PPP1R1C: variants seen among roughly 807,000 people sequenced by gnomAD.
PPP1R1C encodes the protein protein phosphatase 1 regulatory subunit 1C.
PPP1R1C carries 15 observed loss-of-function variants against 17.4 expected under a neutral mutation model. The ratio of observed to expected loss-of-function variants is 0.86; its 90% CI spans 0.58 to 1.33. The LOEUF is 1.33. Ranked by LOEUF, PPP1R1C falls within the 40% of genes most tolerant of loss-of-function variation. The pLI is 0.00. For missense variants in PPP1R1C, 143 were observed against 130.0 expected, an observed-to-expected ratio of 1.10 and a Z score of -0.48; for synonymous variants, 35 against 43.1, an observed-to-expected ratio of 0.81 and a Z score of 0.73.
At chr2:182,103,092 C>T (rs896690469) in intron 4 of PPP1R1C, among the ~76,000 whole-genome samples, 3 of 152,130 alleles carry the variant, frequency 2.0e-5, no homozygotes, top group Non-Finnish European at 4.4e-5. Flanking sequence ...GTGTGAGCCC[C>T]GCTTCCGGCC....
At chr2:182,064,780 G>A (rs10497593) in intron 4 of PPP1R1C, among the ~76,000 whole-genome samples, 5,930 of 141,970 alleles carry the variant, frequency 0.042, 396 homozygotes, top group African/African-American at 0.15. Flanking sequence ...TAATTATTGA[G>A]ACTACTAGGC....
At chr2:182,016,274 G>C (rs892809087) in intron 2 of PPP1R1C, among the ~76,000 whole-genome samples, 3 of 152,182 alleles carry the variant, frequency 2.0e-5, no homozygotes, top group African/African-American at 7.2e-5. Flanking sequence ...CAGCAATTCA[G>C]GACTGTCTTT....
chr2:182,049,700 A>G (rs962772661), intron 2 of PPP1R1C, among the ~76,000 whole-genome samples: 2 of 152,164 alleles, frequency 1.3e-5, no homozygotes, highest in African/African-American at 4.8e-5. Flanking sequence ...TTGTGCTAGG[A>G]AAGTCCCAAT....
intron 2 of PPP1R1C, among the ~76,000 whole-genome samples, chr2:182,004,902 C>A (rs1460813055): frequency 6.6e-6 from 1 of 152,050 alleles, no homozygotes; most frequent in Non-Finnish European, 1.5e-5. Context: ...GATGCTGGGG[C>A]CTTTTCTAAC....
chr2:182,044,625 C>T (rs950442809), intron 2 of PPP1R1C, among the ~76,000 whole-genome samples: 19 of 152,146 alleles, frequency 1.2e-4, no homozygotes, highest in Non-Finnish European at 2.2e-4. Flanking sequence ...ACACTCGGTG[C>T]TTCGTCTGTT....
At chr2:182,014,491 C>T (rs1262607709) in intron 2 of PPP1R1C, among the ~76,000 whole-genome samples, 2 of 151,600 alleles carry the variant, frequency 1.3e-5, no homozygotes, top group African/African-American at 4.8e-5. Context: ...TGGTTCAGAC[C>T]CAAGCCAGCA....
chr2:181,982,758 G>C (rs1559044692), upstream of PPP1R1C, among the ~76,000 whole-genome samples: 1 of 152,150 alleles, frequency 6.6e-6, no homozygotes, highest in Non-Finnish European at 1.5e-5. Context: ...GGAGGGTCTT[G>C]AGGAATCATG....
intron 2 of PPP1R1C, among the ~76,000 whole-genome samples, chr2:182,056,337 G>C (rs1237807969): frequency 6.6e-6 from 1 of 152,150 alleles, no homozygotes; most frequent in Non-Finnish European, 1.5e-5. Context: ...ATTGCATTTT[G>C]CTTTTCTTGT....
intron 2 of PPP1R1C, chr2:182,023,801 G>A (rs1332192804): frequency 6.6e-6 from 1 of 151,734 alleles, no homozygotes; most frequent in Non-Finnish European, 1.5e-5. Context: ...TTAATTTATT[G>A]TTTTTAATTT....
chr2:182,078,624 G>A (rs1688383879), intron 4 of PPP1R1C, among the ~76,000 whole-genome samples: 1 of 152,166 alleles, frequency 6.6e-6, no homozygotes, highest in Non-Finnish European at 1.5e-5. Flanking sequence ...GGAAAAAATA[G>A]CAGAAAGAAG....
intron 2 of PPP1R1C, among the ~76,000 whole-genome samples, chr2:182,019,074 A>T (rs1174700573): frequency 2.0e-5 from 3 of 152,212 alleles, no homozygotes; most frequent in Non-Finnish European, 4.4e-5. Flanking sequence ...AGATGTTATT[A>T]TAAGTATATT....
At chr2:182,063,055 G>A (rs1046359484) in intron 3 of PPP1R1C, among the ~76,000 whole-genome samples, 1 of 151,924 alleles carries the variant, frequency 6.6e-6, no homozygotes, top group African/African-American at 2.4e-5. Flanking sequence ...ATCCTTATCT[G>A]TATTTTGACC....
intron 2 of PPP1R1C, among the ~76,000 whole-genome samples, chr2:182,044,118 A>G (rs1484843150): frequency 6.6e-6 from 1 of 152,116 alleles, no homozygotes; most frequent in Non-Finnish European, 1.5e-5. Flanking sequence ...TTCATCATCC[A>G]TCACCTGAAT....
At chr2:182,059,773 G>T (rs1263468554) in intron 2 of PPP1R1C, among the ~76,000 whole-genome samples, 1 of 151,954 alleles carries the variant, frequency 6.6e-6, no homozygotes, top group Non-Finnish European at 1.5e-5. Context: ...ATATTTAACA[G>T]TGAGGCCCTC....
At chr2:182,013,655 A>G (rs1686156670) in intron 2 of PPP1R1C, among the ~76,000 whole-genome samples, 2 of 152,098 alleles carry the variant, frequency 1.3e-5, no homozygotes, top group Non-Finnish European at 2.9e-5. Flanking sequence ...CTTTAAGACC[A>G]TCAACTCTTA....
Position 181,961,673 on chromosome 2 carries a change from A to G in PPP1R1C, n.111+7039A>G. 1 of 762,094 alleles carries G rather than the reference A, an allele frequency of 1.3e-6. No individual in the cohort carries two copies. Among genetic ancestry groups the G allele is most frequent in the Non-Finnish European group, 2.4e-6 (1 of 422,816 alleles). 47.2% of individuals were successfully genotyped at this position (762,094 alleles called of 1,614,324 possible). On this transcript the variant is annotated intron_variant and non_coding_transcript_variant, in intron 1 of 5. Transcript: ENST00000464264. The surrounding 1 kb of genome is among the most constrained non-coding windows in gnomAD (Gnocchi z 5.8). The stretch of plus-strand genomic sequence containing the variant: ...CTCTTCTCAATCTGCTGAGACCAGC[A>G]CTTGTCCAGCTCCTCTCAGTTCTTT...
intron 1 of PPP1R1C, among the ~76,000 whole-genome samples, chr2:181,971,030 T>C (rs1306600439): frequency 2.0e-5 from 3 of 151,666 alleles, no homozygotes; most frequent in Admixed American, 2.0e-4. Context: ...AGGCCTGGAA[T>C]CAGGAGCCCA....
chr2:181,973,019 T>G (rs2125134307), intron 1 of PPP1R1C, among the ~76,000 whole-genome samples: 1 of 152,296 alleles, frequency 6.6e-6, no homozygotes, highest in Non-Finnish European at 1.5e-5. Context: ...AACTGGATCA[T>G]TAAGAAATCG....
chr2:182,110,335 T>G (rs2125233817), intron 4 of PPP1R1C, among the ~76,000 whole-genome samples: 1 of 152,316 alleles, frequency 6.6e-6, no homozygotes, highest in African/African-American at 2.4e-5. Flanking sequence ...CTTTAAAAAC[T>G]GATATATAAA....
Sources: allele counts gnomAD v4.1 joint callset (sites outside exome capture counted in the v4.1 genomes callset), GRCh38; gene constraint gnomAD v4.1.1; non-coding constraint Gnocchi (gnomAD v3.1); transcripts MANE v1.5; gene names NCBI Gene and HGNC (gene_info 2026-07-23, HGNC 2026-07-21).